SMIM14: variants seen among roughly 807,000 people sequenced by gnomAD.
The protein encoded by SMIM14 is chromosome 4 open reading frame 34.
SMIM14 carries 5 observed loss-of-function variants against 12.6 expected under a neutral mutation model. The observed-to-expected ratio is 0.40, with a 90% CI of 0.21 to 0.83. SMIM14 has a LOEUF of 0.83. Among genes scored for constraint, SMIM14 ranks in the 40% least tolerant of loss-of-function variants. SMIM14 has a pLI of 0.37. For synonymous variants in SMIM14, 30 were observed against 40.1 expected (o/e 0.75, Z 0.95); for missense variants, 86 against 119.1 (o/e 0.72, Z 1.29).
chr4:39,620,598 G>A (rs1715449874), intron 1 of SMIM14, among the ~76,000 whole-genome samples: 1 of 152,202 alleles, frequency 6.6e-6, no homozygotes, highest in South Asian at 2.1e-4. Flanking sequence ...GCCTCCCAAA[G>A]TGCTGGGATT....
At position 39,634,795 on chromosome 4, in the gene SMIM14, A is replaced by G. The variant is rs1234986057; in HGVS notation, c.-36+3944T>C. On this transcript the variant is annotated intron_variant, in intron 1 of 4. Transcript: ENST00000295958. ...ACCCAAACACCAAAGAGAATAAGGC[A>G]CTGCCCAATAAAGAGGCTGAAAATT... 2.0e-5 allele frequency among the ~76,000 whole-genome samples: 3 copies of G among 152,304 alleles called. No homozygotes were observed. In the East Asian group the frequency reaches 5.8e-4, roughly 29 times the overall value.
At chr4:39,618,851 G>A (rs1286854947) in intron 1 of SMIM14, among the ~76,000 whole-genome samples, 2 of 151,896 alleles carry the variant, frequency 1.3e-5, no homozygotes, top group African/African-American at 4.8e-5. Flanking sequence ...ACCTTGCAGG[G>A]GTGTCAAGCC....
At chr4:39,618,307 T>C (rs539843335) in intron 1 of SMIM14, among the ~76,000 whole-genome samples, 2 of 152,144 alleles carry the variant, frequency 1.3e-5, no homozygotes, top group South Asian at 4.2e-4. Flanking sequence ...GTAACAGGCA[T>C]GGGAAAAACG....
chr4:39,555,419 G>A (rs1711959993), intron 4 of SMIM14, among the ~76,000 whole-genome samples: 1 of 151,804 alleles, frequency 6.6e-6, no homozygotes, highest in South Asian at 2.1e-4. Flanking sequence ...TTTTAGTAGA[G>A]ACAGGGTTTC....
rs1386422360 is a variant in SMIM14 at position 39,548,405 on chromosome 4, G to A, written c.*3721C>T. On this transcript the variant is annotated 3_prime_UTR_variant, in exon 5 of 5. Transcript: ENST00000295958. ...GACAGGGTCTTGCTATGTTGCCCAG[G>A]CTAGTCTCAAACTCCTGGGCTCAAG... 6.7e-6 allele frequency: 1 copy of A among 150,126 alleles called. No homozygotes were observed. Among genetic ancestry groups the A allele is most frequent in the Admixed American group, 6.6e-5 (1 of 15,102 alleles). The allele number at this position is 150,126 out of a possible 1,614,324, so 9.3% of individuals were successfully genotyped here.
chr4:39,606,584 T>A (rs1424445375), intron 1 of SMIM14, among the ~76,000 whole-genome samples: 2 of 146,170 alleles, frequency 1.4e-5, no homozygotes, highest in African/African-American at 5.1e-5. Context: ...GATGTTGCAG[T>A]GAGCCAAGAT....
intron 1 of SMIM14, among the ~76,000 whole-genome samples, chr4:39,623,422 G>A (rs1424117535): frequency 1.3e-5 from 2 of 152,138 alleles, no homozygotes; most frequent in Non-Finnish European, 2.9e-5. Context: ...TCCTGAGAAG[G>A]CAGGGATAAC....
Position 39,551,306 on chromosome 4 carries a change from T to C in SMIM14, c.*820A>G, listed in dbSNP as rs1386768912. 6.6e-6 allele frequency: 1 copy of C among 152,652 alleles called. No homozygotes were observed. Among genetic ancestry groups the C allele is most frequent in the Non-Finnish European group, 1.5e-5 (1 of 68,048 alleles). 9.5% of individuals were successfully genotyped at this position (152,652 alleles called of 1,614,324 possible). On this transcript the variant is annotated 3_prime_UTR_variant, in exon 5 of 5. Coordinates refer to ENST00000295958, the MANE Select transcript of SMIM14 (RefSeq NM_174921.3). ...TAAATTATAGCTTAAATTATTACTATGTGGATTATATCAGCAAAGGCAGAA... is the reference window on the plus strand; with the variant it reads ...TAAATTATAGCTTAAATTATTACTACGTGGATTATATCAGCAAAGGCAGAA...
intron 1 of SMIM14, among the ~76,000 whole-genome samples, chr4:39,623,415 T>C (rs1715577325): frequency 6.6e-6 from 1 of 152,206 alleles, no homozygotes; most frequent in Non-Finnish European, 1.5e-5. Flanking sequence ...GAGCTCTTCC[T>C]GAGAAGGCAG....
chr4:39,577,422 C>T (rs1713261501), intron 2 of SMIM14, among the ~76,000 whole-genome samples: 1 of 133,742 alleles, frequency 7.5e-6, no homozygotes, highest in Non-Finnish European at 1.7e-5. Context: ...GACAGGAGCC[C>T]TTTCAGCCTT....
chr4:39,585,022 T>G (rs1051450046), intron 2 of SMIM14, among the ~76,000 whole-genome samples: 5 of 151,888 alleles, frequency 3.3e-5, no homozygotes, highest in African/African-American at 1.2e-4. Context: ...CCAAAAATGA[T>G]GCAATTTACT....
At chr4:39,616,987 G>A (rs1388068364) in intron 1 of SMIM14, among the ~76,000 whole-genome samples, 2 of 152,044 alleles carry the variant, frequency 1.3e-5, no homozygotes, top group Non-Finnish European at 2.9e-5. Context: ...AAGAATTATT[G>A]TACATTAAAC....
At chr4:39,573,669 TTTTCTTCTCATTGAAAATTAGAAGCAG>T (rs1713014969) in intron 2 of SMIM14, among the ~76,000 whole-genome samples, 1 of 152,110 alleles carries the variant, frequency 6.6e-6, no homozygotes, top group African/African-American at 2.4e-5. Context: ...TTAAAGAGAT[TTTTCTTCTCATTGAAAATTAGAAGCAG>T]ATAAAGAAAA....
At position 39,616,281 on chromosome 4, in the gene SMIM14, G is replaced by A. The variant is rs867378261; in HGVS notation, c.-35-11101C>T. Among the ~76,000 whole-genome samples, 6 of 152,128 alleles carry A rather than the reference G, an allele frequency of 3.9e-5. No homozygotes were observed. The South Asian group carries it at 6.2e-4, about 16-fold the overall frequency. ...CTCCCAAGTAATTGGGAACACAGGC[G>A]TGTGCCACCATACCTGGCTAATTTT... On this transcript the variant is annotated intron_variant, in intron 1 of 4. Transcript: ENST00000295958.
intron 2 of SMIM14, among the ~76,000 whole-genome samples, chr4:39,580,885 C>G (rs927323936): frequency 3.3e-5 from 5 of 152,042 alleles, no homozygotes; most frequent in Admixed American, 1.3e-4. Flanking sequence ...AACCTATTAT[C>G]AACCTTAAAT....
intron 1 of SMIM14, among the ~76,000 whole-genome samples, chr4:39,626,493 T>G (rs1206067039): frequency 6.6e-6 from 1 of 152,134 alleles, no homozygotes; most frequent in Non-Finnish European, 1.5e-5. Flanking sequence ...AAACGCCCTG[T>G]CTTCTCTCAC....
intron 2 of SMIM14, among the ~76,000 whole-genome samples, chr4:39,601,015 T>C (rs1714590482): frequency 6.6e-6 from 1 of 152,150 alleles, no homozygotes; most frequent in Non-Finnish European, 1.5e-5. Flanking sequence ...AAAAAAAGTT[T>C]ATTAAAAAAA....
chr4:39,584,052 T>C (rs949603891), intron 2 of SMIM14: 1 of 151,996 alleles, frequency 6.6e-6, no homozygotes, highest in African/African-American at 2.4e-5. Flanking sequence ...ACAAATACAG[T>C]ACGTTCAATT....
chr4:39,578,475 C>T (rs2110017824), intron 2 of SMIM14, among the ~76,000 whole-genome samples: 1 of 152,160 alleles, frequency 6.6e-6, no homozygotes, highest in South Asian at 2.1e-4. Context: ...TAGAGAAAAA[C>T]CAAAGATAAT....
Sources: gnomAD v4.1 joint callset for allele counts (sites outside exome capture counted in the v4.1 genomes callset) on GRCh38, gnomAD v4.1.1 for gene constraint, MANE v1.5 for transcripts, NCBI Gene and HGNC (gene_info 2026-07-23, HGNC 2026-07-21) for gene names.